Variants in TNRC6B observed in about 807,000 individuals in gnomAD.
TNRC6B encodes the protein trinucleotide repeat containing adaptor 6B.
Under a neutral mutation model 203.6 loss-of-function variants are expected in TNRC6B, and 52 were observed. The observed-to-expected ratio is 0.26, with a 90% CI of 0.20 to 0.32. The LOEUF (loss-of-function observed/expected upper bound fraction) is 0.32. TNRC6B is among the 10% of genes least tolerant of loss of function. The pLI, the probability that TNRC6B is intolerant of heterozygous loss-of-function variation, is 1.00. For synonymous variants in TNRC6B, 838 were observed against 845.7 expected (o/e 0.99, Z 0.16); for missense variants, 1,923 against 2,286.2 (o/e 0.84, Z 3.24).
chr22:40,254,130 CAT>C (rs1404208183), intron 3 of TNRC6B, among the ~76,000 whole-genome samples: 2 of 152,094 alleles, frequency 1.3e-5, no homozygotes, highest in African/African-American at 2.4e-5. Flanking sequence ...TATGTGAAGA[CAT>C]AGGCTAGAGC....
chr22:40,308,733 A>G, intron 16 of TNRC6B, 84 bp downstream of exon 16: 2 of 1,466,850 alleles, frequency 1.4e-6, no homozygotes, highest in Non-Finnish European at 1.8e-6. Flanking sequence ...GAAGTACAGA[A>G]CTTGGTATTC....
At chr22:40,297,937 A>G (rs200970390) in intron 12 of TNRC6B, among the ~76,000 whole-genome samples, 4 of 151,916 alleles carry the variant, frequency 2.6e-5, no homozygotes, top group South Asian at 2.1e-4. Flanking sequence ...CCTGGCTAAC[A>G]TGGTGAAACC....
intron 2 of TNRC6B, among the ~76,000 whole-genome samples, chr22:40,248,173 G>A (rs914392262): frequency 1.6e-4 from 24 of 152,156 alleles, no homozygotes; most frequent in African/African-American, 5.6e-4. Context: ...TGAGGTTGCA[G>A]TATGCAGGTC....
chr22:40,244,101 A>G (rs1418854449), intron 1 of TNRC6B, among the ~76,000 whole-genome samples: 2 of 152,104 alleles, frequency 1.3e-5, no homozygotes, highest in Admixed American at 6.6e-5. Flanking sequence ...CACTCCTTCC[A>G]CTTGCAGCCA....
In TNRC6B at chr22:40,326,658, A is replaced by G. The variant is rs2071406178; in HGVS notation, c.*3417A>G. The G allele has an allele frequency of 6.6e-6, 1 of 152,630 alleles. No homozygotes were observed. Among genetic ancestry groups the G allele is most frequent in the Non-Finnish European group, 1.5e-5 (1 of 68,040 alleles). The allele number at this position is 152,630 out of a possible 1,614,324, so 9.5% of individuals were successfully genotyped here. On this transcript the variant is annotated 3_prime_UTR_variant, in exon 23 of 23. Transcript: ENST00000454349. ...CCCCAGCAACAAAAGAAAGGAAGGA[A>G]GGAAGAAACAACAGCTTAAAAAAAA...
intron 3 of TNRC6B, chr22:40,125,886 A>G (rs770550321): frequency 1.2e-6 from 2 of 1,606,648 alleles, no homozygotes; most frequent in Non-Finnish European, 1.7e-6. Context: ...TGAAAGGTAC[A>G]GTTTGGGTAG....
At chr22:40,222,897 C>T (rs2069734327) in intron 1 of TNRC6B, among the ~76,000 whole-genome samples, 1 of 151,408 alleles carries the variant, frequency 6.6e-6, no homozygotes, top group Admixed American at 6.6e-5. Context: ...AGGCGTGCAC[C>T]ACCACTTCCA....
rs187469109 is a variant in TNRC6B at position 40,062,438 on chromosome 22, A to G, written c.-121+17440A>G. On this transcript the variant is annotated intron_variant, in intron 1 of 23. Coordinates refer to the TNRC6B transcript ENST00000301923. Reference sequence around the variant, plus strand: ...TGGCCAGGCTGGTCTCAAACTCCTGACCTCAGGTGATCTGCCCATCTCGGC... The same window carrying G: ...TGGCCAGGCTGGTCTCAAACTCCTGGCCTCAGGTGATCTGCCCATCTCGGC... Among the ~76,000 whole-genome samples, 26 of 152,226 alleles carry G rather than the reference A, an allele frequency of 1.7e-4. No individual in the cohort carries two copies. In the East Asian group the frequency reaches 3.9e-3, roughly 23 times the overall value.
intron 15 of TNRC6B, among the ~76,000 whole-genome samples, chr22:40,305,369 TG>T (rs1043461446): frequency 6.6e-6 from 1 of 152,226 alleles, no homozygotes; most frequent in Non-Finnish European, 1.5e-5. Flanking sequence ...GGAAACCACT[TG>T]GTGGACTAAG....
At chr22:40,154,246 G>A (rs1168915075) in intron 3 of TNRC6B, among the ~76,000 whole-genome samples, 2 of 152,100 alleles carry the variant, frequency 1.3e-5, no homozygotes, top group Non-Finnish European at 2.9e-5. Flanking sequence ...GGTGGATCAC[G>A]AGGTCAGGAG....
exon 1 of TNRC6B, chr22:40,044,955 C>T (rs1156557088): frequency 1.3e-5 from 2 of 152,118 alleles, no homozygotes; most frequent in African/African-American, 4.8e-5. Flanking sequence ...CGCGCCTCGC[C>T]TCACAGCGAA....
chr22:40,297,083 T>C (rs1401009877), intron 12 of TNRC6B, among the ~76,000 whole-genome samples: 1 of 152,260 alleles, frequency 6.6e-6, no homozygotes, highest in African/African-American at 2.4e-5. Flanking sequence ...CATAGTTTGC[T>C]AACAAGTTTT....
In TNRC6B at chr22:40,266,583, A is replaced by G; in HGVS notation, c.2353A>G (p.Asn785Asp). Reference protein sequence around the residue: ...GGQNEIGTWGNGGNASLASKG... With the variant: ...GGQNEIGTWGDGGNASLASKG... The stretch of plus-strand genomic sequence containing the variant: ...GCAGAATGAAATCGGGACTTGGGGT[A>G]ATGGTGGCAATGCAAGCCTAGCTTC... Residue 785 changes from asparagine (N) to aspartate (D), a missense_variant, in exon 5 of 23, where the codon AAT becomes GAT. By Grantham distance (23) the Asn-to-Asp change is conservative. This residue lies in a region of TNRC6B where 599 missense variants were observed against 656.5 expected (regional missense o/e 0.91). Transcript: ENST00000454349. 1.2e-6 allele frequency: 2 copies of G among 1,613,130 alleles called. No homozygotes were observed. The highest frequency in any genetic ancestry group is 1.7e-6 in the Non-Finnish European group (2 of 1,179,396).
chr22:40,063,260 A>G (rs1601792757), intron 1 of TNRC6B, among the ~76,000 whole-genome samples: 2 of 152,290 alleles, frequency 1.3e-5, no homozygotes, highest in African/African-American at 4.8e-5. Flanking sequence ...TAGATTCTCA[A>G]TTCTATTCCA....
In TNRC6B at chr22:40,265,841, A is replaced by C; in HGVS notation, c.1611A>C (p.Ala537=). ...GPNQPNSSTG[A]WDNQKGHPLP... ...ACCAACCAAATTCTAGCACTGGAGC[A>C]TGGGACAATCAAAAGGGCCACCCCC... Residue 537 remains alanine (A), a synonymous_variant, in exon 5 of 23, where the codon GCA becomes GCC. Transcript: ENST00000454349. 2 of 1,614,040 alleles carry C rather than the reference A, an allele frequency of 1.2e-6. No homozygotes were observed. The highest frequency in any genetic ancestry group is 1.7e-6 in the Non-Finnish European group (2 of 1,179,904).
intron 3 of TNRC6B, chr22:40,253,597 C>G (rs1196525848): frequency 6.6e-6 from 3 of 456,150 alleles, no homozygotes; most frequent in Non-Finnish European, 1.3e-5. Context: ...TCCCACCACT[C>G]CAATCAAAAG....
At chr22:40,212,302 C>A (rs1004741173) in intron 1 of TNRC6B, among the ~76,000 whole-genome samples, 12 of 152,214 alleles carry the variant, frequency 7.9e-5, no homozygotes, top group African/African-American at 2.7e-4. Context: ...GTCAGACATG[C>A]CCTGCCCACT....
At chr22:40,087,635 A>G (rs918889953) in intron 1 of TNRC6B, among the ~76,000 whole-genome samples, 55 of 152,182 alleles carry the variant, frequency 3.6e-4, no homozygotes, top group African/African-American at 1.2e-3. Context: ...GTAACATTTA[A>G]GCAAAGATTT....
intron 1 of TNRC6B, among the ~76,000 whole-genome samples, chr22:40,101,575 A>G (rs971411490): frequency 6.6e-6 from 1 of 152,134 alleles, no homozygotes; most frequent in Non-Finnish European, 1.5e-5. Context: ...CCTGTCCTTT[A>G]TAGCCTCCTG....
Sources: gnomAD v4.1 joint callset for allele counts (sites outside exome capture counted in the v4.1 genomes callset) on GRCh38, gnomAD v4.1.1 for gene constraint, gnomAD v4.1.1 regional missense constraint, MANE v1.5 for transcripts, NCBI Gene and HGNC (gene_info 2026-07-23, HGNC 2026-07-21) for gene names.